Variants in FDFT1 observed in about 807,000 individuals in gnomAD.
FDFT1 encodes the protein farnesyl-diphosphate farnesyltransferase 1, also known as squalene synthase.
Under a neutral mutation model 46.8 loss-of-function variants are expected in FDFT1, and 68 were observed. The ratio of observed to expected loss-of-function variants is 1.45; its 90% CI spans 1.19 to 1.78. The LOEUF (loss-of-function observed/expected upper bound fraction) is 1.78, where lower values mean the gene tolerates loss of function less well. Ranked by LOEUF, FDFT1 falls within the 40% of genes most tolerant of loss-of-function variation. The pLI is 0.00. For synonymous variants in FDFT1, 351 were observed against 185.1 expected (o/e 1.90, Z -7.28); for missense variants, 928 against 524.4 (o/e 1.77, Z -7.52).
chr8:11,829,419 A>G (rs959364244), intron 5 of FDFT1, among the ~76,000 whole-genome samples: 13 of 152,348 alleles, frequency 8.5e-5, no homozygotes, highest in Admixed American at 8.5e-4. Context: ...ATCAGGATCC[A>G]GGGAGGTGTA....
At chr8:11,812,196 C>T (rs549519903) in intron 3 of FDFT1, among the ~76,000 whole-genome samples, 2 of 152,330 alleles carry the variant, frequency 1.3e-5, no homozygotes, top group African/African-American at 4.8e-5. Context: ...GTTCAGCTCT[C>T]GTGGGCTCTC....
chr8:11,818,852 T>C (rs1426870024), intron 3 of FDFT1, among the ~76,000 whole-genome samples: 5 of 152,342 alleles, frequency 3.3e-5, no homozygotes, highest in South Asian at 4.1e-4. Flanking sequence ...AGCCCACTTA[T>C]ATTTAAGGTT....
chr8:11,815,646 T>G (rs1808342085), intron 3 of FDFT1, among the ~76,000 whole-genome samples: 1 of 152,264 alleles, frequency 6.6e-6, no homozygotes, highest in Non-Finnish European at 1.5e-5. Flanking sequence ...TCTTCATATG[T>G]CTGTTGGCTG....
intron 5 of FDFT1, among the ~76,000 whole-genome samples, chr8:11,829,678 G>A (rs1303491924): frequency 1.3e-5 from 2 of 152,148 alleles, no homozygotes; most frequent in Admixed American, 6.5e-5. Context: ...TGCACTAGTT[G>A]TCCCTCGGGA....
chr8:11,831,004 C>A (rs1384285034), intron 6 of FDFT1, among the ~76,000 whole-genome samples: 1 of 152,174 alleles, frequency 6.6e-6, no homozygotes, highest in Non-Finnish European at 1.5e-5. Context: ...AAAGTAAAAT[C>A]TGTATCGCCG....
chr8:11,802,486 AT>A, upstream of FDFT1: 2 of 485,244 alleles, frequency 4.1e-6, no homozygotes, highest in Admixed American at 2.3e-5. Context: ...GCCCGGCTCC[AT>A]CAGGGCACCA....
At chr8:11,801,349 C>T (rs544264532), upstream of FDFT1, among the ~76,000 whole-genome samples, 1 of 152,178 alleles carries the variant, frequency 6.6e-6, no homozygotes, top group Non-Finnish European at 1.5e-5. Context: ...GATGAAGTCT[C>T]GCTCTTGTCC....
chr8:11,825,535 A>T (rs1397250629), intron 4 of FDFT1, among the ~76,000 whole-genome samples: 1 of 69,082 alleles, frequency 1.4e-5, no homozygotes, highest in African/African-American at 4.9e-5. Flanking sequence ...GTGAGACTTG[A>T]TCTCAAAAAA....
chr8:11,809,538 G>A (rs1006140796), intron 2 of FDFT1, 129 bp from the exon 3 acceptor site: 10 of 1,293,946 alleles, frequency 7.7e-6, no homozygotes, highest in Admixed American at 6.6e-5. Flanking sequence ...GAAAAGCGTT[G>A]GATATCCTTA....
chr8:11,829,817 T>G (rs1025065023), intron 5 of FDFT1, among the ~76,000 whole-genome samples: 3 of 151,778 alleles, frequency 2.0e-5, no homozygotes, highest in Admixed American at 2.0e-4. Flanking sequence ...CTAAGAGACT[T>G]TACTGTATAT....
At chr8:11,809,587 T>G in intron 2 of FDFT1, 80 bp from the exon 3 acceptor site, 1 of 1,413,128 alleles carries the variant, frequency 7.1e-7, no homozygotes, top group Non-Finnish European at 9.5e-7. Flanking sequence ...GTTTAGAAAG[T>G]GGCCAGGCAC....
At chr8:11,831,007 T>C (rs758062461) in intron 6 of FDFT1, among the ~76,000 whole-genome samples, 2 of 152,226 alleles carry the variant, frequency 1.3e-5, no homozygotes, top group East Asian at 3.8e-4. Flanking sequence ...GTAAAATCTG[T>C]ATCGCCGTCT....
At chr8:11,803,431 C>T in intron 1 of FDFT1, 1 of 1,286,692 alleles carries the variant, frequency 7.8e-7, no homozygotes, top group Non-Finnish European at 1.0e-6. Flanking sequence ...ATCCTCGGTG[C>T]TTCCTGAGTT....
chr8:11,834,266 G>A (rs995892257), intron 7 of FDFT1, among the ~76,000 whole-genome samples: 1 of 152,178 alleles, frequency 6.6e-6, no homozygotes, highest in Non-Finnish European at 1.5e-5. Flanking sequence ...ACACTGCAGG[G>A]CCCTCACCCC....
intron 6 of FDFT1, among the ~76,000 whole-genome samples, 198 bp from the exon 7 acceptor site, chr8:11,831,320 T>G (rs1353134272): frequency 6.6e-6 from 1 of 152,220 alleles, no homozygotes; most frequent in Non-Finnish European, 1.5e-5. Flanking sequence ...ATTCTGTGTG[T>G]TGTTGAGAAA....
At chr8:11,808,370 G>A (rs1807169176) in intron 1 of FDFT1, 3 of 1,233,046 alleles carry the variant, frequency 2.4e-6, no homozygotes, top group South Asian at 4.0e-5. Flanking sequence ...GAGGCCGGGG[G>A]CGGGGCTGCG....
At position 11,838,628 on chromosome 8, in the gene FDFT1, C is replaced by G. The variant is rs538534491; in HGVS notation, c.*19C>G. Reference sequence around the variant, plus strand: ...ACACTGATCCCAAATTTGTCCATAGCTGAAGTCCACCATAAAGTGGATTTA... The same window carrying G: ...ACACTGATCCCAAATTTGTCCATAGGTGAAGTCCACCATAAAGTGGATTTA... On this transcript the variant is annotated 3_prime_UTR_variant, in exon 8 of 8. Transcript: ENST00000220584. 7 of 1,557,876 alleles carry G rather than the reference C, an allele frequency of 4.5e-6. No homozygotes were observed. Among genetic ancestry groups the G allele is most frequent in the South Asian group, 4.4e-5 (4 of 89,930 alleles).
At chr8:11,812,015 A>G (rs566258855) in intron 3 of FDFT1, among the ~76,000 whole-genome samples, 1 of 152,222 alleles carries the variant, frequency 6.6e-6, no homozygotes, top group Non-Finnish European at 1.5e-5. Context: ...GCTTTTGGCT[A>G]AGAGGTCCCA....
At chr8:11,804,600 C>CTTTTTTTT (rs5889385) in intron 1 of FDFT1, among the ~76,000 whole-genome samples, 18 of 97,346 alleles carry the variant, frequency 1.8e-4, no homozygotes, top group South Asian at 7.4e-4. Flanking sequence ...CTTAGTTTCT[C>CTTTTTTTT]TTTTTTTTTT....
Sources: gnomAD v4.1 joint callset for allele counts (sites outside exome capture counted in the v4.1 genomes callset) on GRCh38, gnomAD v4.1.1 for gene constraint, MANE v1.5 for transcripts, NCBI Gene and HGNC (gene_info 2026-07-23, HGNC 2026-07-21) for gene names.